CDH9: variants seen among roughly 807,000 people sequenced by gnomAD.
CDH9 encodes cadherin 9.
CDH9 carries 28 observed loss-of-function variants against 70.9 expected under a neutral mutation model. That is an observed-to-expected ratio of 0.40 (90% CI 0.29 to 0.54). The LOEUF (loss-of-function observed/expected upper bound fraction) is 0.54. Among genes scored for constraint, CDH9 ranks in the 20% least tolerant of loss-of-function variants. CDH9 has a pLI of 0.59. For missense variants in CDH9, 874 were observed against 984.4 expected, an observed-to-expected ratio of 0.89 and a Z score of 1.50; for synonymous variants, 409 against 343.1, an observed-to-expected ratio of 1.19 and a Z score of -2.12.
chr5:26,886,857 A>G (rs778997538), intron 9 of CDH9, among the ~76,000 whole-genome samples: 1 of 152,138 alleles, frequency 6.6e-6, no homozygotes, highest in African/African-American at 2.4e-5. Context: ...TAGTGGAAAA[A>G]GCACTGAGCT....
intron 2 of CDH9, among the ~76,000 whole-genome samples, chr5:26,965,123 C>A (rs13158622): frequency 0.063 from 9,549 of 152,104 alleles, 359 homozygotes; most frequent in Middle Eastern, 0.16. Flanking sequence ...TACTACAAGA[C>A]TTTCAGAATA....
At chr5:26,928,012 G>A (rs972839590) in intron 2 of CDH9, among the ~76,000 whole-genome samples, 3 of 151,996 alleles carry the variant, frequency 2.0e-5, no homozygotes, top group Admixed American at 2.0e-4. Flanking sequence ...ATAGAGGTGT[G>A]AAGAATAAAC....
intron 2 of CDH9, among the ~76,000 whole-genome samples, chr5:26,949,052 C>T (rs1032295642): frequency 7.2e-5 from 11 of 152,092 alleles, no homozygotes; most frequent in African/African-American, 2.7e-4. Flanking sequence ...ATGTCTTATA[C>T]CTAGTACTGA....
chr5:26,997,249 A>ATG (rs1012279316), intron 1 of CDH9, among the ~76,000 whole-genome samples: 40 of 151,970 alleles, frequency 2.6e-4, no homozygotes, highest in Non-Finnish European at 5.0e-4. Flanking sequence ...TGAGATGCAT[A>ATG]TGTGTGTGTG....
At chr5:26,902,312 T>C (rs1740869442) in intron 7 of CDH9, among the ~76,000 whole-genome samples, 164 bp downstream of exon 7, 1 of 151,952 alleles carries the variant, frequency 6.6e-6, no homozygotes. Context: ...CTGTGCTTGA[T>C]TATACATTGT....
chr5:26,886,605 A>G (rs1289500065), intron 9 of CDH9, among the ~76,000 whole-genome samples: 1 of 152,146 alleles, frequency 6.6e-6, no homozygotes, highest in African/African-American at 2.4e-5. Flanking sequence ...AATGATTTTG[A>G]AGCTATGGAC....
intron 1 of CDH9, among the ~76,000 whole-genome samples, chr5:26,989,792 G>T (rs1021627268): frequency 3.3e-5 from 5 of 152,062 alleles, no homozygotes; most frequent in Admixed American, 3.3e-4. Context: ...CAAATATAAG[G>T]ATCTAGCTTG....
At chr5:26,944,836 C>T (rs1741721607) in intron 2 of CDH9, among the ~76,000 whole-genome samples, 1 of 152,068 alleles carries the variant, frequency 6.6e-6, no homozygotes. Context: ...CGACAGGAAG[C>T]TAATCTCATG....
Position 26,906,717 on chromosome 5 carries a change from A to G in CDH9, c.643+2T>C. On this transcript the variant is annotated splice_donor_variant, in intron 4 of 11. Transcript: ENST00000231021. LOFTEE classifies it high-confidence loss of function. ...GAAGTCAGCCAAGTTTAAATGTTGT[A>G]CCTGATTCTGGGTCCACTGAAAAAT... 2 of 1,612,806 alleles carry G rather than the reference A, an allele frequency of 1.2e-6. No homozygotes were observed. The highest frequency in any genetic ancestry group is 8.5e-7 in the Non-Finnish European group (1 of 1,179,400).
chr5:26,945,869 C>A (rs1337692382), intron 2 of CDH9, among the ~76,000 whole-genome samples: 1 of 152,094 alleles, frequency 6.6e-6, no homozygotes, highest in Non-Finnish European at 1.5e-5. Flanking sequence ...GGCTTGCTAT[C>A]CATTCTTTTC....
intron 2 of CDH9, among the ~76,000 whole-genome samples, chr5:26,929,628 G>GTACAT (rs1741405145): frequency 6.6e-6 from 1 of 151,922 alleles, no homozygotes; most frequent in Admixed American, 6.6e-5. Context: ...AAGAAAATGA[G>GTACAT]GTACATGTAC....
intron 3 of CDH9, among the ~76,000 whole-genome samples, chr5:26,908,480 C>T (rs1279113168): frequency 6.6e-6 from 1 of 151,938 alleles, no homozygotes; most frequent in Non-Finnish European, 1.5e-5. Context: ...ACAAGTAGTT[C>T]GTTCATCAAT....
Position 26,902,559 on chromosome 5 carries a change from T to C in CDH9, c.1170A>G (p.Ile390Met). 6.3e-7 allele frequency: 1 copy of C among 1,592,454 alleles called. No homozygotes were observed. The highest frequency in any genetic ancestry group is 8.6e-7 in the Non-Finnish European group (1 of 1,160,614). The change falls in exon 7 of 12, where the codon ATA becomes ATG. Residue 390 changes from isoleucine to methionine, a missense_variant. Ile to Met is a conservative substitution (Grantham distance 10). Transcript: ENST00000231021. ...CCTCCTTTACATCTTCATCTACTTC[T>C]ATCAAGTAAGAGACTTTAGTGAACA... ...PPVFTKVSYL[I>M]EVDEDVKEGS...
chr5:26,943,342 C>G (rs551304434), intron 2 of CDH9, among the ~76,000 whole-genome samples: 1 of 151,810 alleles, frequency 6.6e-6, no homozygotes, highest in South Asian at 2.1e-4. Flanking sequence ...AAAAACCCTG[C>G]CTCTACTAAA....
intron 2 of CDH9, among the ~76,000 whole-genome samples, chr5:26,941,186 T>C (rs1741656297): frequency 6.6e-6 from 1 of 152,236 alleles, no homozygotes; most frequent in Non-Finnish European, 1.5e-5. Flanking sequence ...TCTTGCTAGC[T>C]ATAAACAATG....
rs547344050 is a variant in CDH9 at position 26,965,704 on chromosome 5, T to G, written c.228+22402A>C. Among the ~76,000 whole-genome samples the G allele has an allele frequency of 2.6e-5, 4 of 152,062 alleles. No individual in the cohort carries two copies. The South Asian group carries it at 8.3e-4, about 32-fold the overall frequency. On this transcript the variant is annotated intron_variant, in intron 2 of 11. Coordinates refer to ENST00000231021, the MANE Select transcript of CDH9 (RefSeq NM_016279.4). ...TACATTAATTATTTTAGCCTAATTA[T>G]CTGATCATTTCTGGGTTTTACCCAA...
At chr5:26,892,442 A>C (rs549614891) in intron 7 of CDH9, among the ~76,000 whole-genome samples, 1 of 152,192 alleles carries the variant, frequency 6.6e-6, no homozygotes, top group African/African-American at 2.4e-5. Context: ...TTTATATAGC[A>C]GTTTTAGGCT....
intron 3 of CDH9, 127 bp downstream of exon 3, chr5:26,915,503 T>A: frequency 1.7e-6 from 1 of 590,818 alleles, no homozygotes; most frequent in Non-Finnish European, 3.0e-6. Flanking sequence ...TAGTTTAAGC[T>A]AAATAGTAGT....
chr5:26,948,790 C>G (rs988217214), intron 2 of CDH9, among the ~76,000 whole-genome samples: 2 of 151,926 alleles, frequency 1.3e-5, no homozygotes, highest in Admixed American at 1.3e-4. Context: ...CAATGGGTGA[C>G]AAAAAAGGCT....
Sources: gnomAD v4.1 joint callset for allele counts (sites outside exome capture counted in the v4.1 genomes callset) on GRCh38, gnomAD v4.1.1 for gene constraint, MANE v1.5 for transcripts, NCBI Gene and HGNC (gene_info 2026-07-23, HGNC 2026-07-21) for gene names.